Variants in LRP1B observed in about 807,000 individuals in gnomAD.
LRP1B encodes the protein low-density lipoprotein receptor-related protein 1B.
Under a neutral mutation model 556.6 loss-of-function variants are expected in LRP1B, and 217 were observed. The observed-to-expected ratio is 0.39, with a 90% CI of 0.35 to 0.44. LRP1B has a LOEUF of 0.44. LRP1B is among the 20% of genes least tolerant of loss of function. The pLI is 1.00. For synonymous variants in LRP1B, 2,047 were observed against 1,865.8 expected (o/e 1.10, Z -2.50); for missense variants, 5,053 against 5,620.8 (o/e 0.90, Z 3.23).
intron 3 of LRP1B, among the ~76,000 whole-genome samples, chr2:141,376,296 G>T (rs545048456): frequency 1.8e-3 from 279 of 152,198 alleles, no homozygotes; most frequent in Non-Finnish European, 3.3e-3. Context: ...CTCCTATAGC[G>T]AAGATCATAA....
At chr2:140,946,500 C>T (rs905062512) in intron 20 of LRP1B, among the ~76,000 whole-genome samples, 1 of 151,958 alleles carries the variant, frequency 6.6e-6, no homozygotes, top group Non-Finnish European at 1.5e-5. Context: ...ACTTGGGAGG[C>T]TGAGGCATGA....
intron 31 of LRP1B, 47 bp from the exon 32 acceptor site, chr2:140,813,853 T>C (rs1460133732): frequency 1.4e-6 from 2 of 1,385,104 alleles, no homozygotes; most frequent in South Asian, 1.2e-5. Context: ...CCACTTAAAT[T>C]GTAATATCCA....
At chr2:142,077,176 T>C (rs1705532866) in intron 1 of LRP1B, among the ~76,000 whole-genome samples, 2 of 152,118 alleles carry the variant, frequency 1.3e-5, no homozygotes, top group Non-Finnish European at 2.9e-5. Context: ...GAGAGTCTGC[T>C]AAAAATTTTG....
intron 17 of LRP1B, among the ~76,000 whole-genome samples, chr2:140,987,304 T>C (rs1696955526): frequency 1.3e-5 from 2 of 152,268 alleles, no homozygotes; most frequent in South Asian, 4.1e-4. Context: ...GGCATTTAAG[T>C]AAGTTATGTT....
At chr2:141,276,341 A>G (rs66597941) in intron 3 of LRP1B, among the ~76,000 whole-genome samples, 42,957 of 151,326 alleles carry the variant, frequency 0.28, 6,559 homozygotes, top group Middle Eastern at 0.45. Flanking sequence ...CAGGTTTGCT[A>G]TATAGGTAAG....
chr2:141,782,989 A>G (rs560010983), intron 2 of LRP1B, among the ~76,000 whole-genome samples: 1 of 152,182 alleles, frequency 6.6e-6, no homozygotes, highest in East Asian at 1.9e-4. Context: ...CAATCATAGA[A>G]TCAGAGAATG....
intron 43 of LRP1B, among the ~76,000 whole-genome samples, chr2:140,556,395 C>A (rs1680734281): frequency 6.6e-6 from 1 of 151,942 alleles, no homozygotes; most frequent in African/African-American, 2.4e-5. Flanking sequence ...ATAAACAGGC[C>A]TTACTAAGTT....
At chr2:141,971,913 C>T (rs994346225) in intron 1 of LRP1B, among the ~76,000 whole-genome samples, 1 of 151,398 alleles carries the variant, frequency 6.6e-6, no homozygotes, top group Non-Finnish European at 1.5e-5. Flanking sequence ...CCCCTTTATA[C>T]CTAATCTATC....
chr2:141,326,508 TG>T (rs1399172384), intron 3 of LRP1B, among the ~76,000 whole-genome samples: 1 of 151,934 alleles, frequency 6.6e-6, no homozygotes, highest in Non-Finnish European at 1.5e-5. Context: ...AACTATGAAA[TG>T]GGGTGTGTAT....
At chr2:141,791,856 T>C (rs905350161) in intron 2 of LRP1B, among the ~76,000 whole-genome samples, 14 of 152,146 alleles carry the variant, frequency 9.2e-5, no homozygotes, top group African/African-American at 3.4e-4. Context: ...TTATGTCCAC[T>C]TACAAAAGAT....
chr2:141,017,027 C>T (rs1017476243), intron 12 of LRP1B, among the ~76,000 whole-genome samples: 1 of 152,042 alleles, frequency 6.6e-6, no homozygotes, highest in South Asian at 2.1e-4. Flanking sequence ...ATTCTCTTAA[C>T]GGTTTCCAGT....
intron 7 of LRP1B, among the ~76,000 whole-genome samples, chr2:141,105,691 GT>G (rs141706914): frequency 0.077 from 11,727 of 152,138 alleles, 579 homozygotes; most frequent in South Asian, 0.14. Context: ...TGAAACAATT[GT>G]TTAGAGAATG....
intron 77 of LRP1B, among the ~76,000 whole-genome samples, chr2:140,341,628 A>C (rs2105097115): frequency 6.6e-6 from 1 of 151,692 alleles, no homozygotes; most frequent in Admixed American, 6.6e-5. Context: ...TGAAGGGAAG[A>C]TAAAAAGTTG....
intron 1 of LRP1B, among the ~76,000 whole-genome samples, chr2:142,124,332 T>G (rs2105017297): frequency 6.6e-6 from 1 of 151,556 alleles, no homozygotes; most frequent in Non-Finnish European, 1.5e-5. Context: ...ATTTATTTAT[T>G]CATGCCATTG....
At chr2:141,453,526 T>C (rs1415566670) in intron 3 of LRP1B, among the ~76,000 whole-genome samples, 1 of 152,200 alleles carries the variant, frequency 6.6e-6, no homozygotes, top group East Asian at 1.9e-4. Context: ...TCAGGTAATG[T>C]TACTAGGTTC....
chr2:141,401,809 A>T (rs16846012), intron 3 of LRP1B, among the ~76,000 whole-genome samples: 1,690 of 152,262 alleles, frequency 0.011, 13 homozygotes, highest in Non-Finnish European at 0.017. Flanking sequence ...GCACTACCAT[A>T]TGTTACAAGG....
chr2:141,238,951 A>G (rs992100851), intron 5 of LRP1B, among the ~76,000 whole-genome samples: 5 of 152,130 alleles, frequency 3.3e-5, no homozygotes, highest in Non-Finnish European at 7.4e-5. Context: ...CTGTGAGTCT[A>G]GAGCCGTCAT....
rs1441655277 is a variant in LRP1B at position 140,517,237 on chromosome 2, T to C, written c.8027-226A>G. Among the ~76,000 whole-genome samples the C allele has an allele frequency of 6.6e-5, 10 of 152,140 alleles. No individual in the cohort carries two copies. The East Asian group carries it at 1.5e-3, about 23-fold the overall frequency. ...CATGATAATCAAATCCAATCCAGGA[T>C]TGAGTCCTAGAACAGAAAGATTATA... On this transcript the variant is annotated intron_variant, in intron 49 of 90. Transcript: ENST00000389484.
intron 7 of LRP1B, among the ~76,000 whole-genome samples, chr2:141,089,131 G>A (rs1031462376): frequency 6.6e-6 from 1 of 152,152 alleles, no homozygotes; most frequent in African/African-American, 2.4e-5. Context: ...GCCATGTGTA[G>A]CCTCAAATCC....
Sources: allele counts gnomAD v4.1 joint callset (sites outside exome capture counted in the v4.1 genomes callset), GRCh38; gene constraint gnomAD v4.1.1; transcripts MANE v1.5; gene names NCBI Gene and HGNC (gene_info 2026-07-23, HGNC 2026-07-21).